Variants in TAF1B observed in about 807,000 individuals in gnomAD.
TAF1B encodes the protein TATA box-binding protein-associated factor RNA polymerase I subunit B.
TAF1B carries 61 observed loss-of-function variants against 83.9 expected under a neutral mutation model. The ratio of observed to expected loss-of-function variants is 0.73; its 90% CI spans 0.59 to 0.90. The LOEUF is 0.90. TAF1B is among the 40% of genes least tolerant of loss of function. The pLI is 0.00. For missense variants in TAF1B, 625 were observed against 677.0 expected, an observed-to-expected ratio of 0.92 and a Z score of 0.85; for synonymous variants, 221 against 224.6, an observed-to-expected ratio of 0.98 and a Z score of 0.14.
intron 4 of TAF1B, among the ~76,000 whole-genome samples, chr2:9,853,806 T>C (rs768057388): frequency 3.9e-5 from 6 of 152,206 alleles, no homozygotes; most frequent in Non-Finnish European, 8.8e-5. Context: ...GACTGGTTAG[T>C]AAACCTGGTA....
chr2:9,883,171 G>T (rs1007055346), intron 8 of TAF1B, among the ~76,000 whole-genome samples: 14 of 152,166 alleles, frequency 9.2e-5, no homozygotes, highest in Non-Finnish European at 1.6e-4. Context: ...GGAAGAAAGA[G>T]AAGAAAGTTA....
intron 5 of TAF1B, among the ~76,000 whole-genome samples, chr2:9,855,730 A>G (rs1406820611): frequency 6.6e-6 from 1 of 152,152 alleles, no homozygotes; most frequent in Non-Finnish European, 1.5e-5. Flanking sequence ...CGAACATCAT[A>G]GCTTAGTCTA....
chr2:9,899,145 T>C (rs542419437), intron 8 of TAF1B, among the ~76,000 whole-genome samples: 52 of 152,308 alleles, frequency 3.4e-4, no homozygotes, highest in Non-Finnish European at 5.4e-4. Context: ...CTCATACCCA[T>C]TAAACACCAA....
chr2:9,876,176 CT>C lies in TAF1B; in HGVS notation c.707+159del, dbSNP rs1329234307. ...TTCTAATTCTGAAATGTAATCCCCCCTGGGCTAGTAATTCATCTTCTTGATT... is the reference window on the plus strand; with the variant it reads ...TTCTAATTCTGAAATGTAATCCCCCCGGGCTAGTAATTCATCTTCTTGATT... On this transcript the variant is annotated intron_variant, in intron 7 of 14. Coordinates refer to ENST00000263663, the MANE Select transcript of TAF1B (RefSeq NM_005680.3). Among the ~76,000 whole-genome samples, 8 of 152,330 alleles carry C rather than the reference CT, an allele frequency of 5.3e-5. No homozygotes were observed. In the East Asian group the frequency reaches 5.8e-4, roughly 11 times the overall value.
intron 8 of TAF1B, among the ~76,000 whole-genome samples, chr2:9,899,281 G>A (rs1460194707): frequency 2.0e-5 from 3 of 151,996 alleles, no homozygotes; most frequent in Non-Finnish European, 2.9e-5. Context: ...TGTGTCTGGC[G>A]TCTGGCTTAC....
chr2:9,906,058 G>C (rs372662788), intron 9 of TAF1B, among the ~76,000 whole-genome samples: 11 of 151,290 alleles, frequency 7.3e-5, no homozygotes, highest in African/African-American at 2.7e-4. Flanking sequence ...TTTTCTTTCT[G>C]CTTCTTTGAT....
intron 8 of TAF1B, among the ~76,000 whole-genome samples, chr2:9,885,443 T>C (rs1344102215): frequency 6.6e-6 from 1 of 152,222 alleles, no homozygotes; most frequent in Non-Finnish European, 1.5e-5. Context: ...AGTTAATTCA[T>C]GGTTTATTTT....
chr2:9,932,909 C>T (rs1388526127), intron 14 of TAF1B, among the ~76,000 whole-genome samples: 2 of 152,238 alleles, frequency 1.3e-5, no homozygotes, highest in African/African-American at 4.8e-5. Flanking sequence ...CAGGCTGCTG[C>T]CTCGCAGGTC....
At chr2:9,856,560 A>G (rs941219443) in intron 5 of TAF1B, among the ~76,000 whole-genome samples, 1 of 152,192 alleles carries the variant, frequency 6.6e-6, no homozygotes, top group East Asian at 1.9e-4. Context: ...CTAAACTACT[A>G]AGAACCTGAT....
intron 9 of TAF1B, among the ~76,000 whole-genome samples, chr2:9,907,366 C>T (rs911984558): frequency 6.6e-6 from 1 of 151,976 alleles, no homozygotes; most frequent in African/African-American, 2.4e-5. Context: ...TCGGTAATGC[C>T]GTCAGTTGTG....
intron 9 of TAF1B, among the ~76,000 whole-genome samples, chr2:9,906,216 T>C (rs1665339002): frequency 6.6e-6 from 1 of 152,202 alleles, no homozygotes; most frequent in Non-Finnish European, 1.5e-5. Context: ...AGCATCTATG[T>C]CACGTGTTTA....
rs34112216 is a variant in TAF1B, at chr2:9,888,311, A to AT, written c.807+5516dup. Among the ~76,000 whole-genome samples the AT allele has an allele frequency of 7.4e-3, 1,113 of 149,806 alleles. 13 individuals carry two copies. Among genetic ancestry groups the AT allele is most frequent in the African/African-American group, 0.025 (1,024 of 40,794 alleles). On this transcript the variant is annotated intron_variant, in intron 8 of 14. Transcript: ENST00000263663. ...TTCACTTCTACCTTAATGCATTGGGATTTTTTTTTTCTGTAAGCAATCATT... is the reference window on the plus strand; with the variant it reads ...TTCACTTCTACCTTAATGCATTGGGATTTTTTTTTTTCTGTAAGCAATCATT...
intron 8 of TAF1B, among the ~76,000 whole-genome samples, chr2:9,903,632 C>T (rs1341649226): frequency 3.3e-5 from 5 of 152,140 alleles, no homozygotes; most frequent in African/African-American, 1.2e-4. Context: ...TTTTTAACTA[C>T]TAGACTTAAA....
At chr2:9,920,133 A>G (rs1157766223) in intron 14 of TAF1B, among the ~76,000 whole-genome samples, 2 of 152,174 alleles carry the variant, frequency 1.3e-5, no homozygotes, top group African/African-American at 4.8e-5. Flanking sequence ...TGAGTCAGTT[A>G]CCTTTATCAT....
intron 14 of TAF1B, among the ~76,000 whole-genome samples, chr2:9,924,225 C>T (rs1665970313): frequency 6.6e-6 from 1 of 152,134 alleles, no homozygotes; most frequent in East Asian, 1.9e-4. Flanking sequence ...TTCAGCTGGG[C>T]AGTAAAAATG....
At chr2:9,932,721 C>T (rs765210311) in intron 14 of TAF1B, among the ~76,000 whole-genome samples, 1 of 152,202 alleles carries the variant, frequency 6.6e-6, no homozygotes, top group Non-Finnish European at 1.5e-5. Flanking sequence ...CAGACAGGGA[C>T]GTTTAAGTCT....
At chr2:9,918,454 T>C (rs62127466) in intron 12 of TAF1B, among the ~76,000 whole-genome samples, 34,698 of 152,116 alleles carry the variant, frequency 0.23, 4,809 homozygotes, top group East Asian at 0.31. Flanking sequence ...GGATCCCCAT[T>C]TTACAGTGGA....
chr2:9,861,701 G>C (rs539415997), intron 5 of TAF1B, among the ~76,000 whole-genome samples: 1 of 152,356 alleles, frequency 6.6e-6, no homozygotes, highest in Non-Finnish European at 1.5e-5. Context: ...CCCCCCAGTA[G>C]GGGCAGTCTG....
At chr2:9,910,371 G>A (rs1348216398) in intron 9 of TAF1B, among the ~76,000 whole-genome samples, 1 of 152,180 alleles carries the variant, frequency 6.6e-6, no homozygotes, top group Non-Finnish European at 1.5e-5. Context: ...GCCAGCCAGT[G>A]CACATACATT....
Sources: gnomAD v4.1 joint callset for allele counts (sites outside exome capture counted in the v4.1 genomes callset) on GRCh38, gnomAD v4.1.1 for gene constraint, MANE v1.5 for transcripts, NCBI Gene and HGNC (gene_info 2026-07-23, HGNC 2026-07-21) for gene names.